CDK11B: variants seen among roughly 807,000 people sequenced by gnomAD.
CDK11B encodes the protein cyclin dependent kinase 11B.
CDK11B carries 37 observed loss-of-function variants against 84.0 expected under a neutral mutation model. The ratio of observed to expected loss-of-function variants is 0.44; its 90% CI spans 0.34 to 0.58. CDK11B has a LOEUF of 0.58. Among genes scored for constraint, CDK11B ranks in the 20% least tolerant of loss-of-function variants. The probability of loss-of-function intolerance (pLI) is 0.02; values close to 1 mark genes in which losing one functional copy is unlikely to be tolerated. For synonymous variants in CDK11B, 269 were observed against 309.8 expected (o/e 0.87, Z 1.38); for missense variants, 427 against 834.0 (o/e 0.51, Z 6.01).
intron 5 of CDK11B, among the ~76,000 whole-genome samples, chr1:1,648,757 C>A (rs1190226912): frequency 6.6e-6 from 1 of 152,158 alleles, no homozygotes; most frequent in Non-Finnish European, 1.5e-5. Context: ...CAGACTGTTT[C>A]AAGGTTTTTA....
At chr1:1,643,526 G>A (rs1196822542) in intron 6 of CDK11B, among the ~76,000 whole-genome samples, 2 of 148,626 alleles carry the variant, frequency 1.3e-5, no homozygotes, top group South Asian at 2.1e-4. Context: ...ATCACCTGAC[G>A]GTAGATGTCC....
intron 3 of CDK11B, chr1:1,654,116 T>C (rs1256524785): frequency 2.2e-6 from 1 of 461,760 alleles, no homozygotes; most frequent in South Asian, 1.6e-5. Flanking sequence ...ATTCACACCT[T>C]AAGCTTCTCA....
chr1:1,641,338 G>A (rs1201122458), intron 9 of CDK11B, among the ~76,000 whole-genome samples: 6 of 147,576 alleles, frequency 4.1e-5, no homozygotes, highest in South Asian at 4.3e-4. Context: ...GTGAAACCCC[G>A]TCTCGACTAA....
chr1:1,658,814 G>C (rs1643150804), intron 1 of CDK11B, 100 bp downstream of exon 1: 1 of 154,040 alleles, frequency 6.5e-6, no homozygotes, highest in African/African-American at 2.4e-5. Flanking sequence ...GCTCGCCCCC[G>C]GGCCCGGGTC....
chr1:1,650,982 A>G (rs1358533037), intron 4 of CDK11B, among the ~76,000 whole-genome samples: 1 of 152,194 alleles, frequency 6.6e-6, no homozygotes. Context: ...TTATAATACA[A>G]AAATCACTCT....
chr1:1,649,710 T>C lies in CDK11B; in HGVS notation c.356-73A>G, dbSNP rs1641636862. 22 of 1,479,872 alleles carry C rather than the reference T, an allele frequency of 1.5e-5. No individual in the cohort carries two copies. The East Asian group carries it at 2.1e-4, about 14-fold the overall frequency. The allele number at this position is 1,479,872 out of a possible 1,614,324, so 91.7% of individuals were successfully genotyped here. The stretch of plus-strand genomic sequence containing the variant: ...TCACATGAAGCCGGGCACGGAGGCT[T>C]ATGCCTGTAATCCTAGCACTTTGGG... On this transcript the variant is annotated intron_variant, in intron 4 of 19. Coordinates refer to ENST00000341832, the MANE Select transcript of CDK11B (RefSeq NM_033486.3).
chr1:1,651,408 G>T (rs1320542855), intron 4 of CDK11B, among the ~76,000 whole-genome samples: 13 of 151,378 alleles, frequency 8.6e-5, no homozygotes, highest in African/African-American at 3.2e-4. Context: ...CTTTCAGCTG[G>T]AGTTTGCTCT....
rs1341734488 is a variant in CDK11B at position 1,635,381 on chromosome 1, C to G, written c.*383G>C. On this transcript the variant is annotated 3_prime_UTR_variant, in exon 20 of 20. Transcript: ENST00000341832. ...AGTGGGTTGGGGCAAGAGGGCATCGCTCATCCCAACACAGAAACAGGTCTC... is the reference window on the plus strand; with the variant it reads ...AGTGGGTTGGGGCAAGAGGGCATCGGTCATCCCAACACAGAAACAGGTCTC... 1 of 58,862 alleles carries G rather than the reference C, an allele frequency of 1.7e-5. No homozygotes were observed. Among genetic ancestry groups the G allele is most frequent in the Non-Finnish European group, 3.0e-5 (1 of 33,776 alleles). The allele number at this position is 58,862 out of a possible 1,614,324, so 3.6% of individuals were successfully genotyped here.
rs1321335715 is a variant in CDK11B at position 1,658,925 on chromosome 1, C to T, written c.-25G>A. 5.2e-6 allele frequency: 1 copy of T among 193,584 alleles called. No homozygotes were observed. Among genetic ancestry groups the T allele is most frequent in the South Asian group, 7.0e-5 (1 of 14,290 alleles). 12.0% of individuals were successfully genotyped at this position (193,584 alleles called of 1,614,324 possible). ...CAGTCGGAACTCACCCCTACGCCGC[C>T]GCCGCTGCCGCCGCCGCCGCCGCCG... On this transcript the variant is annotated 5_prime_UTR_variant, in exon 1 of 20. Coordinates refer to ENST00000341832, the MANE Select transcript of CDK11B (RefSeq NM_033486.3).
chr1:1,640,667 G>A (rs1219206733), intron 10 of CDK11B, among the ~76,000 whole-genome samples: 94 of 151,982 alleles, frequency 6.2e-4, no homozygotes, highest in Non-Finnish European at 2.2e-4. Flanking sequence ...GGGAGGAGGC[G>A]TCGGGTGTCA....
At chr1:1,652,192 G>A (rs1421095949) in intron 4 of CDK11B, among the ~76,000 whole-genome samples, 1 of 151,688 alleles carries the variant, frequency 6.6e-6, no homozygotes, top group South Asian at 2.1e-4. Context: ...TCTGGTTTTC[G>A]GTCTGTGACA....
chr1:1,656,737 C>T lies in CDK11B; in HGVS notation c.111+638G>A, dbSNP rs1227874708. Among the ~76,000 whole-genome samples, 9 of 152,208 alleles carry T rather than the reference C, an allele frequency of 5.9e-5. 1 individual carries two copies. The highest frequency in any genetic ancestry group is 1.4e-4 in the African/African-American group (6 of 41,542). ...CCCGGCCCTGGGCGACAGTGCGAGACTCCGTCTCAAAAACAAAAAAAAAGC... is the reference window on the plus strand; with the variant it reads ...CCCGGCCCTGGGCGACAGTGCGAGATTCCGTCTCAAAAACAAAAAAAAAGC... On this transcript the variant is annotated intron_variant, in intron 2 of 19. Coordinates refer to ENST00000341832, the MANE Select transcript of CDK11B (RefSeq NM_033486.3).
At chr1:1,639,958 A>G (rs138267418) in intron 11 of CDK11B, among the ~76,000 whole-genome samples, 12,226 of 131,870 alleles carry the variant, frequency 0.093, 11 homozygotes, top group African/African-American at 0.27. Flanking sequence ...GTCAAGTGGA[A>G]GGCACTGCTC....
intron 1 of CDK11B, among the ~76,000 whole-genome samples, chr1:1,658,169 A>G (rs1379067744): frequency 1.3e-5 from 2 of 149,114 alleles, no homozygotes; most frequent in Non-Finnish European, 2.9e-5. Context: ...CAAAAAAAAA[A>G]GAAAAAAAAA....
chr1:1,646,825 C>A, intron 5 of CDK11B: 1 of 520,028 alleles, frequency 1.9e-6, no homozygotes, highest in African/African-American at 1.9e-5. Context: ...GAGTATGCCA[C>A]TCCACTGCCT....
chr1:1,655,628 T>C (rs1277517876), intron 2 of CDK11B, 144 bp from the exon 3 acceptor site: 1 of 1,316,482 alleles, frequency 7.6e-7, no homozygotes, highest in South Asian at 1.6e-5. Context: ...TGTTATAAAA[T>C]ATAAAGAACT....
rs374090936 is a variant in CDK11B, at chr1:1,637,071, G to A, written c.1692+10C>T. The A allele has an allele frequency of 2.5e-6, 4 of 1,613,410 alleles. No individual in the cohort carries two copies. The African/African-American group carries it at 5.3e-5, about 22-fold the overall frequency. On this transcript the variant is annotated intron_variant, in intron 15 of 19. Transcript: ENST00000341832. Reference sequence around the variant, plus strand: ...TCTCCCTGGGATGGGCCACTCGGAGGGGGGCTCACCTTGAGGATGCCGGCG... The same window carrying A: ...TCTCCCTGGGATGGGCCACTCGGAGAGGGGCTCACCTTGAGGATGCCGGCG...
At chr1:1,649,379 G>A in intron 5 of CDK11B, 120 bp downstream of exon 5, 5 of 738,982 alleles carry the variant, frequency 6.8e-6, no homozygotes, top group Non-Finnish European at 1.1e-5. Context: ...GGGATTACAG[G>A]CGTGAGCCAC....
chr1:1,650,349 A>G (rs1641811857), intron 4 of CDK11B, among the ~76,000 whole-genome samples: 1 of 147,464 alleles, frequency 6.8e-6, no homozygotes, highest in South Asian at 2.1e-4. Flanking sequence ...ACGTTAAGTA[A>G]TCCTAATTTT....
Sources: allele counts gnomAD v4.1 joint callset (sites outside exome capture counted in the v4.1 genomes callset), GRCh38; gene constraint gnomAD v4.1.1; transcripts MANE v1.5; gene names NCBI Gene and HGNC (gene_info 2026-07-23, HGNC 2026-07-21).